CIDEA: variants seen among roughly 807,000 people sequenced by gnomAD.
CIDEA encodes the protein lipid transferase CIDEA.
Under a neutral mutation model 18.2 loss-of-function variants are expected in CIDEA, and 10 were observed. The ratio of observed to expected loss-of-function variants is 0.55; its 90% CI spans 0.34 to 0.93. The LOEUF is 0.93. Ranked by LOEUF, CIDEA falls within the 40% of genes least tolerant of loss-of-function variation. The pLI, the probability that CIDEA is intolerant of heterozygous loss-of-function variation, is 0.02. For missense variants in CIDEA, 309 were observed against 293.1 expected (o/e 1.05, Z -0.40); for synonymous variants, 128 against 124.8 (o/e 1.03, Z -0.17).
chr18:12,272,373 T>C (rs1307645293), intron 3 of CIDEA, among the ~76,000 whole-genome samples: 2 of 151,674 alleles, frequency 1.3e-5, no homozygotes, highest in Non-Finnish European at 2.9e-5. Context: ...CCACCATGCC[T>C]GGCTAATTTT....
At chr18:12,257,560 C>A (rs1912073008) in intron 1 of CIDEA, among the ~76,000 whole-genome samples, 1 of 152,222 alleles carries the variant, frequency 6.6e-6, no homozygotes, top group Non-Finnish European at 1.5e-5. Context: ...GGCGCCCTGC[C>A]TCCCTCGGGG....
chr18:12,261,360 C>A (rs913041314), intron 1 of CIDEA, among the ~76,000 whole-genome samples: 1 of 152,162 alleles, frequency 6.6e-6, no homozygotes, highest in Admixed American at 6.5e-5. Flanking sequence ...CAGAGCGAGA[C>A]TCCATCTCAA....
At chr18:12,256,455 G>A (rs1411661687) in intron 1 of CIDEA, among the ~76,000 whole-genome samples, 1 of 152,184 alleles carries the variant, frequency 6.6e-6, no homozygotes, top group Non-Finnish European at 1.5e-5. Flanking sequence ...AATCGTTAGG[G>A]GCCTTGGTCC....
intron 3 of CIDEA, among the ~76,000 whole-genome samples, chr18:12,271,717 C>T (rs1296590451): frequency 1.3e-5 from 2 of 152,160 alleles, no homozygotes; most frequent in Non-Finnish European, 2.9e-5. Flanking sequence ...GGGCTCGCGG[C>T]CCCCGTTTCG....
intron 1 of CIDEA, among the ~76,000 whole-genome samples, chr18:12,258,139 T>A (rs1912089831): frequency 6.6e-6 from 1 of 152,168 alleles, no homozygotes; most frequent in Non-Finnish European, 1.5e-5. Context: ...GTGACGCAGC[T>A]CTTGGTTTGG....
chr18:12,266,222 C>A (rs1291086675), intron 3 of CIDEA, among the ~76,000 whole-genome samples: 1 of 151,818 alleles, frequency 6.6e-6, no homozygotes, highest in Non-Finnish European at 1.5e-5. Context: ...CAGAGCAAGA[C>A]CCTATATCAA....
At chr18:12,259,177 A>G (rs948961884) in intron 1 of CIDEA, among the ~76,000 whole-genome samples, 1 of 152,148 alleles carries the variant, frequency 6.6e-6, no homozygotes, top group Non-Finnish European at 1.5e-5. Flanking sequence ...GGTCATTCTG[A>G]CAGGTCCGGA....
rs374585664 is a variant in CIDEA at position 12,264,642 on chromosome 18, C to T, written c.330+189C>T. On this transcript the variant is annotated intron_variant, in intron 3 of 4. Transcript: ENST00000320477. ...GATCTCGGCTCACTGCAAGCTCCGC[C>T]TCCCGGGTTCACGCCATTCTCCTGC... 3.3e-5 allele frequency among the ~76,000 whole-genome samples: 5 copies of T among 152,128 alleles called. No individual in the cohort carries two copies. In the East Asian group the frequency reaches 7.7e-4, roughly 24 times the overall value.
chr18:12,254,726 T>TG, intron 1 of CIDEA: 1 of 1,464,742 alleles, frequency 6.8e-7, no homozygotes, highest in Non-Finnish European at 9.2e-7. Context: ...AGGTGACAGC[T>TG]GGCGAGTGGC....
intron 1 of CIDEA, chr18:12,254,941 C>A (rs1302572313): frequency 2.4e-6 from 3 of 1,225,386 alleles, no homozygotes; most frequent in Non-Finnish European, 3.1e-6. Context: ...CCCAACCGTC[C>A]GGCGGAGCCC....
At chr18:12,274,062 C>T in intron 3 of CIDEA, 31 bp from the exon 4 acceptor site, 5 of 1,612,410 alleles carry the variant, frequency 3.1e-6, no homozygotes, top group Non-Finnish European at 4.2e-6. Flanking sequence ...AGGAAGGCTC[C>T]TGAAGCCTGC....
intron 3 of CIDEA, among the ~76,000 whole-genome samples, chr18:12,271,138 A>T (rs933838521): frequency 6.6e-5 from 10 of 151,594 alleles, no homozygotes; most frequent in Admixed American, 4.6e-4. Flanking sequence ...ACCTCAGGCG[A>T]TCCACCCACC....
chr18:12,275,306 G>T (rs956889240), intron 4 of CIDEA, among the ~76,000 whole-genome samples: 15 of 152,252 alleles, frequency 9.9e-5, no homozygotes, highest in African/African-American at 3.4e-4. Flanking sequence ...CCACACCACT[G>T]CACTCCAGAC....
At chr18:12,276,340 T>C (rs1168181266) in intron 4 of CIDEA, among the ~76,000 whole-genome samples, 3 of 152,222 alleles carry the variant, frequency 2.0e-5, no homozygotes, top group East Asian at 1.9e-4. Flanking sequence ...TCCCCCAGGC[T>C]GGAGTGCAGT....
At chr18:12,273,648 C>T (rs1190480288) in intron 3 of CIDEA, among the ~76,000 whole-genome samples, 1 of 152,216 alleles carries the variant, frequency 6.6e-6, no homozygotes, top group Admixed American at 6.5e-5. Context: ...GATTCTGGTA[C>T]TTTCCACCCA....
intron 3 of CIDEA, among the ~76,000 whole-genome samples, chr18:12,273,473 G>A (rs1912607320): frequency 6.6e-6 from 1 of 152,176 alleles, no homozygotes; most frequent in South Asian, 2.1e-4. Context: ...GGGATGTGTA[G>A]AGGTCACTGA....
At chr18:12,265,500 A>G (rs377750334) in intron 3 of CIDEA, among the ~76,000 whole-genome samples, 46 of 152,344 alleles carry the variant, frequency 3.0e-4, no homozygotes, top group African/African-American at 9.1e-4. Context: ...GGTCTGCGTA[A>G]AGCAGGGAAT....
At chr18:12,262,148 C>A (rs1912210822) in intron 1 of CIDEA, among the ~76,000 whole-genome samples, 1 of 151,272 alleles carries the variant, frequency 6.6e-6, no homozygotes, top group African/African-American at 2.5e-5. Context: ...GCCTGGGCAA[C>A]AAAGCAAGAC....
intron 1 of CIDEA, among the ~76,000 whole-genome samples, chr18:12,257,305 C>G (rs1912064826): frequency 6.6e-6 from 1 of 152,200 alleles, no homozygotes; most frequent in Non-Finnish European, 1.5e-5. Context: ...CCTCAGCCAT[C>G]ACTGCCCCCT....
Sources: gnomAD v4.1 joint callset for allele counts (sites outside exome capture counted in the v4.1 genomes callset) on GRCh38, gnomAD v4.1.1 for gene constraint, MANE v1.5 for transcripts, NCBI Gene and HGNC (gene_info 2026-07-23, HGNC 2026-07-21) for gene names.